PDE7B: variants seen among roughly 807,000 people sequenced by gnomAD.
PDE7B encodes 3',5'-cyclic-AMP phosphodiesterase 7B.
A neutral mutation model predicts 56.2 loss-of-function variants in PDE7B; 29 were observed. That is an observed-to-expected ratio of 0.52 (90% CI 0.38 to 0.70). The LOEUF (loss-of-function observed/expected upper bound fraction) is 0.70, where lower values mean the gene tolerates loss of function less well. Ranked by LOEUF, PDE7B falls within the 30% of genes least tolerant of loss-of-function variation. The probability of loss-of-function intolerance (pLI) is 0.00; values close to 1 mark genes in which losing one functional copy is unlikely to be tolerated. For synonymous variants in PDE7B, 197 were observed against 196.9 expected (o/e 1.00, Z 0.00); for missense variants, 490 against 565.0 (o/e 0.87, Z 1.35).
At chr6:136,058,485 A>T (rs1218789033) in intron 2 of PDE7B, among the ~76,000 whole-genome samples, 3 of 152,218 alleles carry the variant, frequency 2.0e-5, no homozygotes, top group Non-Finnish European at 4.4e-5. Flanking sequence ...AAGCAGAAAC[A>T]ATAACCAAAG....
At chr6:136,188,717 A>G (rs779893634) in intron 12 of PDE7B, among the ~76,000 whole-genome samples, 1 of 152,200 alleles carries the variant, frequency 6.6e-6, no homozygotes, top group Non-Finnish European at 1.5e-5. Flanking sequence ...ATTTTGTCAG[A>G]TCATATGTCC....
intron 2 of PDE7B, among the ~76,000 whole-genome samples, chr6:136,000,861 G>A (rs527854092): frequency 5.6e-4 from 85 of 152,304 alleles, no homozygotes; most frequent in African/African-American, 1.0e-3. Flanking sequence ...GTCCCAGCAC[G>A]CAGCTGGAGA....
At chr6:136,003,742 G>C (rs998270998) in intron 2 of PDE7B, among the ~76,000 whole-genome samples, 1 of 152,200 alleles carries the variant, frequency 6.6e-6, no homozygotes, top group Admixed American at 6.5e-5. Context: ...TCCAGGACCA[G>C]ATGGATTCAC....
chr6:135,900,295 AG>A (rs1220382040), intron 1 of PDE7B, among the ~76,000 whole-genome samples: 1 of 152,112 alleles, frequency 6.6e-6, no homozygotes, highest in Non-Finnish European at 1.5e-5. Flanking sequence ...CTCCTTAAAT[AG>A]GTGTACTTCT....
chr6:136,035,642 G>A (rs1776314722), intron 2 of PDE7B, among the ~76,000 whole-genome samples: 1 of 152,148 alleles, frequency 6.6e-6, no homozygotes. Context: ...AAATGAAGTA[G>A]GTTCCTCCTT....
At chr6:135,926,912 G>A (rs1357944477) in intron 1 of PDE7B, among the ~76,000 whole-genome samples, 1 of 152,166 alleles carries the variant, frequency 6.6e-6, no homozygotes, top group Non-Finnish European at 1.5e-5. Flanking sequence ...TAATCTTTAT[G>A]AATTCTTTGA....
At chr6:136,061,784 T>C (rs972395322) in intron 2 of PDE7B, among the ~76,000 whole-genome samples, 1 of 152,194 alleles carries the variant, frequency 6.6e-6, no homozygotes, top group African/African-American at 2.4e-5. Flanking sequence ...AAGACTAAGA[T>C]AGTGCAAGTG....
intron 2 of PDE7B, among the ~76,000 whole-genome samples, chr6:136,088,925 G>A (rs1419875914): frequency 6.6e-6 from 1 of 151,610 alleles, no homozygotes; most frequent in Non-Finnish European, 1.5e-5. Context: ...AATTGAAGGA[G>A]CAATAAATAC....
intron 2 of PDE7B, among the ~76,000 whole-genome samples, chr6:135,984,461 A>G (rs1363225228): frequency 6.6e-6 from 1 of 152,156 alleles, no homozygotes; most frequent in Admixed American, 6.6e-5. Flanking sequence ...TGAGTAGTTA[A>G]TTCCTCTAGT....
chr6:136,074,247 G>A (rs1188417373), intron 2 of PDE7B, among the ~76,000 whole-genome samples: 1 of 150,478 alleles, frequency 6.6e-6, no homozygotes. Context: ...AAAAAAAGGC[G>A]GGGGGGATTT....
chr6:135,946,456 T>C (rs1477280761), intron 1 of PDE7B, among the ~76,000 whole-genome samples: 1 of 152,118 alleles, frequency 6.6e-6, no homozygotes, highest in Non-Finnish European at 1.5e-5. Context: ...GGTATGAACA[T>C]TTCATCTTTG....
In PDE7B at chr6:135,908,006, A is replaced by G. The variant is rs534241400; in HGVS notation, c.22-39458A>G. Among the ~76,000 whole-genome samples, 46 of 152,332 alleles carry G rather than the reference A, an allele frequency of 3.0e-4. No homozygotes were observed. In the South Asian group the frequency reaches 9.5e-3, roughly 32 times the overall value. Reference sequence around the variant, plus strand: ...TTAAGTTCTTAGGAGATATTATTTCATATTTACCAAATTGGCAGAAATTTG... The same window carrying G: ...TTAAGTTCTTAGGAGATATTATTTCGTATTTACCAAATTGGCAGAAATTTG... On this transcript the variant is annotated intron_variant, in intron 1 of 12. Coordinates refer to ENST00000308191, the MANE Select transcript of PDE7B (RefSeq NM_018945.4).
chr6:136,173,721 G>A (rs907697874), intron 8 of PDE7B, 76 bp from the exon 9 acceptor site: 34 of 962,784 alleles, frequency 3.5e-5, no homozygotes, highest in Non-Finnish European at 4.5e-5. Context: ...GCTAGCGTCC[G>A]TGGAGCTGTG....
intron 8 of PDE7B, among the ~76,000 whole-genome samples, chr6:136,172,456 A>G (rs1037659367): frequency 2.0e-5 from 3 of 152,188 alleles, no homozygotes; most frequent in African/African-American, 7.2e-5. Context: ...ATGTCTGTTC[A>G]TGTCCTTCGC....
chr6:135,877,884 C>A (rs1775530232), intron 1 of PDE7B, among the ~76,000 whole-genome samples: 1 of 151,738 alleles, frequency 6.6e-6, no homozygotes, highest in Non-Finnish European at 1.5e-5. Flanking sequence ...AATTAAGCCA[C>A]CCAGAGGGCT....
At chr6:136,182,414 AG>A (rs541824579) in intron 11 of PDE7B, among the ~76,000 whole-genome samples, 144 of 152,318 alleles carry the variant, frequency 9.5e-4, no homozygotes, top group African/African-American at 3.2e-3. Flanking sequence ...AATTGGAGCT[AG>A]GGGGCTTTAA....
At chr6:135,865,839 A>C (rs893809303) in intron 1 of PDE7B, among the ~76,000 whole-genome samples, 7 of 152,084 alleles carry the variant, frequency 4.6e-5, no homozygotes, top group African/African-American at 1.4e-4. Context: ...GCACTTAATA[A>C]GAAGTCTGCA....
intron 2 of PDE7B, among the ~76,000 whole-genome samples, chr6:135,990,175 A>C (rs1344787984): frequency 6.7e-6 from 1 of 149,514 alleles, no homozygotes; most frequent in Non-Finnish European, 1.5e-5. Flanking sequence ...GGCTCACTGC[A>C]ACCTCCACCT....
At chr6:136,037,530 C>A (rs749459775) in intron 2 of PDE7B, 19 of 985,354 alleles carry the variant, frequency 1.9e-5, no homozygotes, top group African/African-American at 3.5e-5. Flanking sequence ...GTCTTGGTGA[C>A]TGGGCAAGGT....
Sources: gnomAD v4.1 joint callset for allele counts (sites outside exome capture counted in the v4.1 genomes callset) on GRCh38, gnomAD v4.1.1 for gene constraint, MANE v1.5 for transcripts, NCBI Gene and HGNC (gene_info 2026-07-23, HGNC 2026-07-21) for gene names.